Variants in PTH2R observed in about 807,000 individuals in gnomAD.
The protein encoded by PTH2R is PTH2 receptor.
In PTH2R, 59 loss-of-function variants were observed where a neutral mutation model predicts 60.3. That is an observed-to-expected ratio of 0.98 (90% confidence interval 0.79 to 1.22). PTH2R has a LOEUF of 1.22. Among genes scored for constraint, PTH2R ranks in the 50% most tolerant of loss-of-function variants. The pLI, the probability that PTH2R is intolerant of heterozygous loss-of-function variation, is 0.00. For missense variants in PTH2R, 749 were observed against 682.6 expected, an observed-to-expected ratio of 1.10 and a Z score of -1.08; for synonymous variants, 256 against 243.8, an observed-to-expected ratio of 1.05 and a Z score of -0.47.
At chr2:208,367,294 A>C (rs780167135) in intron 1 of PTH2R, among the ~76,000 whole-genome samples, 6 of 152,032 alleles carry the variant, frequency 3.9e-5, no homozygotes, top group African/African-American at 1.4e-4. Context: ...GGGTTTCGCC[A>C]TGTTGGCCAG....
Position 208,407,053 on chromosome 2 carries a change from C to T in PTH2R, c.10C>T (p.Leu4=). The T allele has an allele frequency of 7.2e-7, 1 of 1,393,878 alleles. No homozygotes were observed. The highest frequency in any genetic ancestry group is 9.4e-7 in the Non-Finnish European group (1 of 1,067,406). 86.3% of individuals were successfully genotyped at this position (1,393,878 alleles called of 1,614,324 possible). The change falls in exon 1 of 13, where the codon CTG becomes TTG. Residue 4 remains leucine, a synonymous_variant. Transcript: ENST00000272847. ...TACAGCCGTTCCGGGCATGGCCGGG[C>T]TGGGGGCGTCGCTCCACGTCTGGGG... MAG[L]GASLHVWGWL... is the part of the protein sequence containing the mutation.
intron 10 of PTH2R, among the ~76,000 whole-genome samples, chr2:208,486,612 C>T (rs1574916418): frequency 6.6e-6 from 1 of 151,876 alleles, no homozygotes; most frequent in Non-Finnish European, 1.5e-5. Context: ...TGATGTTAGA[C>T]AAGACTTTCA....
rs149589868 is a variant in PTH2R, at chr2:208,406,841, C to T, written c.-203C>T. The stretch of plus-strand genomic sequence containing the variant: ...AGACAAGACCAACCTCGCGCCGCGG[C>T]GCAGCAGCACGCGGGTTCTGAGAAG... On this transcript the variant is annotated 5_prime_UTR_variant, in exon 1 of 13. Transcript: ENST00000272847. 8,713 of 400,112 alleles carry T rather than the reference C, an allele frequency of 0.022. 120 individuals are homozygous for T. The highest frequency in any genetic ancestry group is 0.026 in the Non-Finnish European group (5,942 of 227,018). The allele number at this position is 400,112 out of a possible 1,614,324, so 24.8% of individuals were successfully genotyped here. A position where few individuals can be genotyped will look rare whatever the true frequency, so the allele number is the denominator to read the frequency against.
At chr2:208,475,491 A>G (rs1393381970) in intron 9 of PTH2R, among the ~76,000 whole-genome samples, 1 of 152,126 alleles carries the variant, frequency 6.6e-6, no homozygotes, top group African/African-American at 2.4e-5. Flanking sequence ...TCATATGCTT[A>G]TTTTTTGCAG....
At position 208,488,994 on chromosome 2, in the gene PTH2R, C is replaced by A. The variant is rs1370525814; in HGVS notation, c.1077-18C>A. 2.5e-6 allele frequency: 4 copies of A among 1,613,204 alleles called. No individual in the cohort carries two copies. In the African/African-American group the frequency reaches 5.3e-5, roughly 22 times the overall value. ...GCACTCTAGTTAATGAATGAAAAGA[C>A]TTGCTGTTCTCCTTTAGGAAACTGG... is the stretch of plus-strand genomic sequence containing the variant. On this transcript the variant is annotated intron_variant, in intron 10 of 12. Coordinates refer to ENST00000272847, the MANE Select transcript of PTH2R (RefSeq NM_005048.4).
intron 1 of PTH2R, among the ~76,000 whole-genome samples, chr2:208,391,669 A>G (rs1205472870): frequency 1.3e-5 from 2 of 152,176 alleles, no homozygotes; most frequent in African/African-American, 4.8e-5. Flanking sequence ...ACAGTTTACA[A>G]AATCCTGTAA....
At chr2:208,373,865 A>G (rs1036917318) in intron 1 of PTH2R, among the ~76,000 whole-genome samples, 1 of 152,050 alleles carries the variant, frequency 6.6e-6, no homozygotes, top group Non-Finnish European at 1.5e-5. Context: ...TTTAAGTTAG[A>G]AATAGTTTAA....
chr2:208,388,059 C>T (rs924574128), intron 1 of PTH2R, among the ~76,000 whole-genome samples: 20 of 151,792 alleles, frequency 1.3e-4, no homozygotes, highest in African/African-American at 4.8e-4. Flanking sequence ...CCTGTAATCC[C>T]AGCACTTTGG....
At chr2:208,377,755 C>CTGCAATCTCA (rs1700830195) in intron 1 of PTH2R, among the ~76,000 whole-genome samples, 1 of 149,710 alleles carries the variant, frequency 6.7e-6, no homozygotes, top group African/African-American at 2.5e-5. Flanking sequence ...TGGGCAGAGG[C>CTGCAATCTCA]GCTCCTCACA....
intron 9 of PTH2R, among the ~76,000 whole-genome samples, chr2:208,463,376 T>G (rs1355093382): frequency 1.3e-5 from 2 of 152,070 alleles, no homozygotes; most frequent in Admixed American, 1.3e-4. Flanking sequence ...CAGACATCCC[T>G]TTTCTGACCA....
chr2:208,372,276 T>C (rs1700716386), intron 1 of PTH2R, among the ~76,000 whole-genome samples: 1 of 152,110 alleles, frequency 6.6e-6, no homozygotes, highest in African/African-American at 2.4e-5. Context: ...CATCACTTGA[T>C]TGATTTAAGA....
intron 1 of PTH2R, among the ~76,000 whole-genome samples, chr2:208,367,375 T>A (rs755270278): frequency 4.6e-5 from 7 of 151,924 alleles, no homozygotes; most frequent in Non-Finnish European, 7.4e-5. Flanking sequence ...TGCACCTGGC[T>A]TCACTCCTTC....
At chr2:208,411,160 C>T (rs568070726) in intron 1 of PTH2R, among the ~76,000 whole-genome samples, 1 of 152,124 alleles carries the variant, frequency 6.6e-6, no homozygotes, top group Non-Finnish European at 1.5e-5. Context: ...GTGGGAGGAT[C>T]GCTTGAACCC....
chr2:208,468,412 G>C (rs1240041332), intron 9 of PTH2R, among the ~76,000 whole-genome samples: 1 of 152,182 alleles, frequency 6.6e-6, no homozygotes, highest in Non-Finnish European at 1.5e-5. Flanking sequence ...ATGGAGCCGG[G>C]TTCTGACTTC....
Position 208,443,368 on chromosome 2 carries a change from A to C in PTH2R, c.530A>C (p.Asn177Thr). 6.3e-7 allele frequency: 1 copy of C among 1,595,602 alleles called. No individual in the cohort carries two copies. The highest frequency in any genetic ancestry group is 1.1e-5 in the South Asian group (1 of 87,466). ...CGTAGACGATTGCATTGCACTAGGAACTATATCCACATGCACTTATTTGTG... is the reference window on the plus strand; with the variant it reads ...CGTAGACGATTGCATTGCACTAGGACCTATATCCACATGCACTTATTTGTG... ...GYFRRLHCTRNYIHMHLFVSF... is the reference protein window; with the variant it reads ...GYFRRLHCTRTYIHMHLFVSF... Residue 177 changes from asparagine to threonine, a missense_variant, in exon 6 of 13, where the codon AAC (asparagine) becomes ACC (threonine). By Grantham distance (65) the Asn-to-Thr change is moderately conservative (BLOSUM62 0). Coordinates refer to ENST00000272847, the MANE Select transcript of PTH2R (RefSeq NM_005048.4).
intron 9 of PTH2R, among the ~76,000 whole-genome samples, chr2:208,477,894 A>G (rs565768374): frequency 2.0e-5 from 3 of 147,264 alleles, no homozygotes; most frequent in South Asian, 2.1e-4. Flanking sequence ...TACTAGTACT[A>G]GCACTACTAC....
upstream of PTH2R, among the ~76,000 whole-genome samples, chr2:208,402,683 C>T (rs910368129): frequency 3.3e-5 from 5 of 152,146 alleles, no homozygotes; most frequent in Admixed American, 2.0e-4. Context: ...CATATGCCTT[C>T]GTGTGCTGAA....
At chr2:208,420,008 C>T (rs1701721539) in intron 1 of PTH2R, among the ~76,000 whole-genome samples, 2 of 152,040 alleles carry the variant, frequency 1.3e-5, no homozygotes, top group African/African-American at 4.8e-5. Context: ...AGCTGGAAAC[C>T]ATCATTCTCA....
rs1261623608 is a variant in PTH2R, at chr2:208,386,514, G to A, written c.-259+26277G>A. Reference sequence around the variant, plus strand: ...TCGATGTATGTGTTTGTGTGTGTGCGTGTGTGTGTGTGTGATACAGACAGA... The same window carrying A: ...TCGATGTATGTGTTTGTGTGTGTGCATGTGTGTGTGTGTGATACAGACAGA... On this transcript the variant is annotated intron_variant, in intron 1 of 12. Coordinates refer to the PTH2R transcript ENST00000617735. Among the ~76,000 whole-genome samples the A allele has an allele frequency of 4.6e-5, 7 of 150,990 alleles. No individual in the cohort carries two copies. In the South Asian group the frequency reaches 6.3e-4, roughly 14 times the overall value.
Sources: allele counts gnomAD v4.1 joint callset (sites outside exome capture counted in the v4.1 genomes callset), GRCh38; gene constraint gnomAD v4.1.1; transcripts MANE v1.5; gene names NCBI Gene and HGNC (gene_info 2026-07-23, HGNC 2026-07-21).